The following LAT2 variants were observed in gnomAD, a reference collection of about 807,000 sequenced individuals.
LAT2 encodes linker for activation of T cells family member 2, also known as linker for activation of T-cells family member 2.
A neutral mutation model predicts 43.4 loss-of-function variants in LAT2; 23 were observed. That is an observed-to-expected ratio of 0.53 (90% CI 0.38 to 0.75). LAT2 has a LOEUF of 0.75. Among genes scored for constraint, LAT2 ranks in the 30% least tolerant of loss-of-function variants. The pLI is 0.00. For synonymous variants in LAT2, 128 were observed against 123.2 expected, an observed-to-expected ratio of 1.04 and a Z score of -0.26; for missense variants, 284 against 310.2, an observed-to-expected ratio of 0.92 and a Z score of 0.64.
In LAT2 at chr7:74,214,065, T is replaced by A. The variant is rs534921808; in HGVS notation, c.-218-757T>A. The stretch of plus-strand genomic sequence containing the variant: ...GTATATATATATATATATGAAAAAA[T>A]ATATATAAATATATATATATGAAAA... On this transcript the variant is annotated intron_variant, in intron 1 of 13. Transcript: ENST00000460943. Among the ~76,000 whole-genome samples, 469 of 129,228 alleles carry A rather than the reference T, an allele frequency of 3.6e-3. 3 individuals carry two copies. The highest frequency in any genetic ancestry group is 5.7e-3 in the Non-Finnish European group (363 of 64,026). The allele number at this position is 129,228 out of a possible 152,430, so 84.8% of individuals were successfully genotyped here. A position where few individuals can be genotyped will look rare whatever the true frequency, so the allele number is the denominator to read the frequency against.
chr7:74,217,583 G>C (rs549789183), intron 4 of LAT2, among the ~76,000 whole-genome samples: 84 of 152,348 alleles, frequency 5.5e-4, no homozygotes, highest in African/African-American at 2.0e-3. Flanking sequence ...TGTGAACGTT[G>C]TCGGAGACTC....
At chr7:74,223,916 T>A in intron 11 of LAT2, 102 bp from the exon 12 acceptor site, 1 of 1,479,910 alleles carries the variant, frequency 6.8e-7, no homozygotes, top group Non-Finnish European at 9.3e-7. Flanking sequence ...CCCAGGTACC[T>A]TTCGGTAGAG....
At chr7:74,224,568 G>C (rs1361093999) in intron 12 of LAT2, 71 bp from the exon 13 acceptor site, 3 of 1,339,714 alleles carry the variant, frequency 2.2e-6, no homozygotes, top group Non-Finnish European at 3.1e-6. Flanking sequence ...CTGGGGGTCT[G>C]AGTCTGGGGG....
intron 1 of LAT2, among the ~76,000 whole-genome samples, chr7:74,214,139 AAAATATATATAAATATATATATG>A (rs1801857212): frequency 6.7e-5 from 4 of 59,954 alleles, no homozygotes; most frequent in Admixed American, 2.2e-4. Context: ...TATATATATG[AAAATATATATAAATATATATATG>A]AAAATATATA....
rs1802247933 is a variant in LAT2 at position 74,220,907 on chromosome 7, G to C, written c.332+173G>C. 6.6e-6 allele frequency among the ~76,000 whole-genome samples: 1 copy of C among 152,118 alleles called. No individual in the cohort carries two copies. Among genetic ancestry groups the C allele is most frequent in the Admixed American group, 6.6e-5 (1 of 15,262 alleles). On this transcript the variant is annotated intron_variant, in intron 9 of 13. Transcript: ENST00000460943. This position sits in a 1 kb window ranked among gnomAD's most constrained non-coding sequence, Gnocchi z 4.5. ...CCAGGTTCCCCTCCTTCTCCTGGCA[G>C]GCAGGCATTGGGCGACACTGTTGTC...
intron 4 of LAT2, among the ~76,000 whole-genome samples, chr7:74,218,016 C>T (rs993000659): frequency 1.3e-5 from 2 of 152,164 alleles, no homozygotes; most frequent in African/African-American, 4.8e-5. Flanking sequence ...CCCCCCATGC[C>T]CTTGACTCCT....
In LAT2 at chr7:74,214,699, A is replaced by AAAAT. The variant is rs1554713930; in HGVS notation, c.-218-121_-218-120insATAA. 37 of 84,786 alleles carry AAAAT rather than the reference A, an allele frequency of 4.4e-4. 2 individuals carry two copies. The highest frequency in any genetic ancestry group is 5.4e-4 in the Non-Finnish European group (26 of 48,342). 5.3% of individuals were successfully genotyped at this position (84,786 alleles called of 1,614,324 possible). A position where few individuals can be genotyped will look rare whatever the true frequency, so the allele number is the denominator to read the frequency against. ...ATATATATATGAAAATAATATATATAAATATATATAAATATATATAAAAAT... is the reference window on the plus strand; with the variant it reads ...ATATATATATGAAAATAATATATATAAAATAATATATATAAATATATATAAAAAT... On this transcript the variant is annotated intron_variant, in intron 1 of 13. Coordinates refer to ENST00000460943, the MANE Select transcript of LAT2 (RefSeq NM_032464.3).
intron 1 of LAT2, among the ~76,000 whole-genome samples, chr7:74,211,138 G>T (rs1207541355): frequency 7.8e-6 from 1 of 128,360 alleles, no homozygotes; most frequent in South Asian, 2.5e-4. Flanking sequence ...TCCCCACCCC[G>T]CCCAGCCCTG....
At chr7:74,219,719 C>G (rs370837158) in intron 4 of LAT2, 25 bp from the exon 5 acceptor site, 135 of 1,613,914 alleles carry the variant, frequency 8.4e-5, no homozygotes, top group Non-Finnish European at 1.1e-4. Flanking sequence ...CAGGCCCAGG[C>G]TCAGCACAGC....
intron 13 of LAT2, chr7:74,226,408 G>T (rs1802488457): frequency 7.9e-5 from 12 of 152,234 alleles, no homozygotes; most frequent in Admixed American, 7.9e-4. Context: ...GGAGGTCAAG[G>T]TTGCAATGAG....
At chr7:74,225,038 G>C (rs990318408) in intron 13 of LAT2, 7 of 271,958 alleles carry the variant, frequency 2.6e-5, no homozygotes, top group Non-Finnish European at 4.3e-5. Context: ...CTGCGACCTT[G>C]GACCAAGTGA....
At chr7:74,214,550 ATATATG>A (rs1305011528) in intron 1 of LAT2, among the ~76,000 whole-genome samples, 51 of 3,916 alleles carry the variant, frequency 0.013, 15 homozygotes, top group South Asian at 0.031. Context: ...ATATATATAT[ATATATG>A]AAAATATATA....
Position 74,220,777 on chromosome 7 carries a change from CT to C in LAT2, c.332+44del. The C allele has an allele frequency of 6.9e-7, 1 of 1,444,274 alleles. No individual in the cohort carries two copies. The highest frequency in any genetic ancestry group is 9.2e-7 in the Non-Finnish European group (1 of 1,086,674). 89.5% of individuals were successfully genotyped at this position (1,444,274 alleles called of 1,614,324 possible). ...TGTCCCCCCTGCCTCGCCTCTCCCC[CT>C]GCCCCACCTCTCCCCCTGCCCCACC... On this transcript the variant is annotated intron_variant, in intron 9 of 13. Transcript: ENST00000460943. This position sits in a 1 kb window ranked among gnomAD's most constrained non-coding sequence, Gnocchi z 4.5.
chr7:74,210,981 G>A (rs1458391326), intron 1 of LAT2, among the ~76,000 whole-genome samples: 1 of 151,926 alleles, frequency 6.6e-6, no homozygotes, highest in African/African-American at 2.4e-5. Flanking sequence ...CCTTCCAGGC[G>A]GGATTCAGAC....
intron 1 of LAT2, among the ~76,000 whole-genome samples, chr7:74,214,419 TATATATATATGAAA>T (rs1475463906): frequency 1.6e-5 from 1 of 62,280 alleles, no homozygotes; most frequent in Non-Finnish European, 2.7e-5. Flanking sequence ...TATATATAAA[TATATATATATGAAA>T]ATATATATAT....
At chr7:74,222,230 C>CAA (rs113312443) in intron 10 of LAT2, among the ~76,000 whole-genome samples, 102 of 65,598 alleles carry the variant, frequency 1.6e-3, no homozygotes, top group East Asian at 3.3e-3. Flanking sequence ...TACAAAAATA[C>CAA]AAAAAAAAAA....
In LAT2 at chr7:74,216,718, C is replaced by T. The variant is rs1231967166; in HGVS notation, c.95-107C>T. 20 of 901,864 alleles carry T rather than the reference C, an allele frequency of 2.2e-5. 1 individual carries two copies. In the Admixed American group the frequency reaches 4.2e-4, roughly 19 times the overall value. 55.9% of individuals were successfully genotyped at this position (901,864 alleles called of 1,614,324 possible). Reference sequence around the variant, plus strand: ...GCCGGTGATGATTGACAGTTTGGCCCCCAAGTCCTGTCTGAGTCCTGCTGG... The same window carrying T: ...GCCGGTGATGATTGACAGTTTGGCCTCCAAGTCCTGTCTGAGTCCTGCTGG... On this transcript the variant is annotated intron_variant, in intron 3 of 13. Transcript: ENST00000460943.
intron 10 of LAT2, among the ~76,000 whole-genome samples, chr7:74,222,167 C>G (rs960645926): frequency 1.3e-5 from 2 of 150,386 alleles, no homozygotes; most frequent in Non-Finnish European, 3.0e-5. Context: ...GGGTGGATCA[C>G]CTGAGGTCAG....
chr7:74,220,194 T>G lies in LAT2; in HGVS notation c.228-23T>G. ...TCTCCCCTACAGCCCCTCCTTTAAC[T>G]CCCTCCTTCCCCCTCCCTGCAGGAA... On this transcript the variant is annotated intron_variant, in intron 6 of 13. Coordinates refer to ENST00000460943, the MANE Select transcript of LAT2 (RefSeq NM_032464.3). This position sits in a 1 kb window ranked among gnomAD's most constrained non-coding sequence, Gnocchi z 4.5. 1 of 1,595,850 alleles carries G rather than the reference T, an allele frequency of 6.3e-7. No homozygotes were observed. The highest frequency in any genetic ancestry group is 8.5e-7 in the Non-Finnish European group (1 of 1,170,312).
Sources: allele counts gnomAD v4.1 joint callset (sites outside exome capture counted in the v4.1 genomes callset), GRCh38; gene constraint gnomAD v4.1.1; non-coding constraint Gnocchi (gnomAD v3.1); transcripts MANE v1.5; gene names NCBI Gene and HGNC (gene_info 2026-07-23, HGNC 2026-07-21).